RANBP2: variants seen among roughly 807,000 people sequenced by gnomAD.
RANBP2 encodes the protein RAN binding protein 2, also known as E3 SUMO-protein ligase RanBP2.
In RANBP2, 57 loss-of-function variants were observed where a neutral mutation model predicts 303.6. That is an observed-to-expected ratio of 0.19 (90% CI 0.15 to 0.23). RANBP2 has a LOEUF of 0.23. Ranked by LOEUF, RANBP2 falls within the 10% of genes least tolerant of loss-of-function variation. The pLI, the probability that RANBP2 is intolerant of heterozygous loss-of-function variation, is 1.00. For missense variants in RANBP2, 3,138 were observed against 3,780.8 expected (o/e 0.83, Z 4.46); for synonymous variants, 1,167 against 1,301.5 (o/e 0.90, Z 2.23).
chr2:109,261,546 G>A, the RANBP2 span, among the ~76,000 whole-genome samples: 2 of 152,048 alleles, frequency 1.3e-5, no homozygotes, highest in African/African-American at 4.8e-5. Context: ...CATCTCCCAG[G>A]GACAAACACA....
the RANBP2 span, among the ~76,000 whole-genome samples, chr2:109,717,943 T>G: frequency 6.6e-6 from 1 of 152,038 alleles, no homozygotes; most frequent in Non-Finnish European, 1.5e-5. Context: ...CACAAAACCA[T>G]TTCCATTTGT....
the RANBP2 span, among the ~76,000 whole-genome samples, chr2:109,277,728 T>C: frequency 6.6e-6 from 1 of 152,222 alleles, no homozygotes; most frequent in East Asian, 1.9e-4. Flanking sequence ...ACAAGATCAT[T>C]ACCACAAGCG....
the RANBP2 span, among the ~76,000 whole-genome samples, chr2:109,293,802 G>A: frequency 6.6e-6 from 1 of 152,216 alleles, no homozygotes; most frequent in Non-Finnish European, 1.5e-5. Context: ...CTGGGGTTTT[G>A]TTACAGATCA....
At chr2:108,903,510 A>G in the RANBP2 span, among the ~76,000 whole-genome samples, 125 of 152,344 alleles carry the variant, frequency 8.2e-4, no homozygotes, top group African/African-American at 2.8e-3. Context: ...CATAATTTAT[A>G]CAAGAATCAA....
chr2:109,050,261 C>CTT, the RANBP2 span, among the ~76,000 whole-genome samples: 3 of 147,288 alleles, frequency 2.0e-5, no homozygotes, highest in African/African-American at 7.5e-5. Context: ...TTTCTTTTTA[C>CTT]TTTTTTTTTT....
chr2:109,582,734 A>C, the RANBP2 span, among the ~76,000 whole-genome samples: 1 of 152,254 alleles, frequency 6.6e-6, no homozygotes, highest in South Asian at 2.1e-4. Context: ...AATACTAAGC[A>C]AAAGAACAAA....
the RANBP2 span, among the ~76,000 whole-genome samples, chr2:109,391,583 T>C: frequency 6.6e-6 from 1 of 152,228 alleles, no homozygotes; most frequent in Non-Finnish European, 1.5e-5. Flanking sequence ...AGCAGGTGTG[T>C]GGCCACGGCT....
At chr2:108,974,277 C>A in the RANBP2 span, among the ~76,000 whole-genome samples, 1 of 125,756 alleles carries the variant, frequency 8.0e-6, no homozygotes, top group Non-Finnish European at 1.6e-5. Context: ...TTGCAGTGAG[C>A]TGAGATCACA....
chr2:109,709,688 C>T, the RANBP2 span, among the ~76,000 whole-genome samples: 2 of 152,392 alleles, frequency 1.3e-5, no homozygotes, highest in East Asian at 3.9e-4. Context: ...AAGCCCTCAG[C>T]TCTAGCACAT....
At chr2:109,521,577 G>T in the RANBP2 span, among the ~76,000 whole-genome samples, 1 of 152,214 alleles carries the variant, frequency 6.6e-6, no homozygotes, top group East Asian at 1.9e-4. Flanking sequence ...GCGGTCCCGA[G>T]ATTTCACTCT....
the RANBP2 span, among the ~76,000 whole-genome samples, chr2:108,796,851 A>G: frequency 6.6e-6 from 1 of 152,148 alleles, no homozygotes; most frequent in Non-Finnish European, 1.5e-5. Context: ...AAGAGAGGTT[A>G]GTTAATGGGT....
At chr2:108,887,928 G>A in the RANBP2 span, among the ~76,000 whole-genome samples, 1 of 152,130 alleles carries the variant, frequency 6.6e-6, no homozygotes, top group Non-Finnish European at 1.5e-5. Flanking sequence ...GTAAACTGGG[G>A]CATCCTTGTC....
chr2:109,431,886 A>G, the RANBP2 span, among the ~76,000 whole-genome samples: 1 of 152,028 alleles, frequency 6.6e-6, no homozygotes, highest in South Asian at 2.1e-4. Context: ...AAAAAAGGTC[A>G]AGTAATTAAC....
chr2:108,893,329 A>G, the RANBP2 span, among the ~76,000 whole-genome samples: 1 of 152,224 alleles, frequency 6.6e-6, no homozygotes, highest in East Asian at 1.9e-4. Context: ...CAAATTTAAC[A>G]GTAGACTTCA....
At chr2:109,300,895 T>C in the RANBP2 span, among the ~76,000 whole-genome samples, 1 of 152,228 alleles carries the variant, frequency 6.6e-6, no homozygotes, top group African/African-American at 2.4e-5. Flanking sequence ...TCTGCTGCTT[T>C]GGAGGCAGCT....
chr2:108,741,290 G>A (rs985906899), intron 7 of RANBP2, among the ~76,000 whole-genome samples: 33 of 151,804 alleles, frequency 2.2e-4, no homozygotes, highest in Non-Finnish European at 3.4e-4. Flanking sequence ...TCCACCTCCT[G>A]GGTTCAAGTG....
chr2:109,312,560 C>T, the RANBP2 span, among the ~76,000 whole-genome samples: 1 of 151,780 alleles, frequency 6.6e-6, no homozygotes, highest in Non-Finnish European at 1.5e-5. Context: ...CCCAGGCCAC[C>T]ACAACCTGCT....
At chr2:109,438,329 A>G in the RANBP2 span, among the ~76,000 whole-genome samples, 1 of 152,022 alleles carries the variant, frequency 6.6e-6, no homozygotes, top group Non-Finnish European at 1.5e-5. Context: ...GTCTGGCACC[A>G]TCAGCAGGTA....
the RANBP2 span, among the ~76,000 whole-genome samples, chr2:109,687,181 G>A: frequency 1.3e-5 from 2 of 152,090 alleles, no homozygotes; most frequent in Admixed American, 1.3e-4. Flanking sequence ...CTGGGTCTGT[G>A]TGCCTTGCCC....
Sources: allele counts gnomAD v4.1 joint callset (sites outside exome capture counted in the v4.1 genomes callset), GRCh38; gene constraint gnomAD v4.1.1; transcripts MANE v1.5; gene names NCBI Gene and HGNC (gene_info 2026-07-23, HGNC 2026-07-21).